The following HUWE1 variants were observed in gnomAD, a reference collection of about 807,000 sequenced individuals.
HUWE1 encodes the protein E3 ubiquitin-protein ligase HUWE1.
Under a neutral mutation model 299.4 loss-of-function variants are expected in HUWE1, and 18 were observed. The ratio of observed to expected loss-of-function variants is 0.06; its 90% CI spans 0.04 to 0.09. HUWE1 has a LOEUF of 0.09. HUWE1 is among the 10% of genes least tolerant of loss of function. The pLI, the probability that HUWE1 is intolerant of heterozygous loss-of-function variation, is 1.00. For missense variants in HUWE1, 1,832 were observed against 3,462.3 expected, an observed-to-expected ratio of 0.53 and a Z score of 11.82; for synonymous variants, 1,317 against 1,286.1, an observed-to-expected ratio of 1.02 and a Z score of -0.51.
chrX:53,623,424 T>C (rs367921264), intron 19 of HUWE1, among the ~76,000 whole-genome samples: 2 of 112,011 alleles, frequency 1.8e-5, no homozygotes, highest in African/African-American at 6.5e-5. Context: ...GAACATAACC[T>C]TAGCAGAGAG....
At position 53,552,830 on chromosome X, in the gene HUWE1, T is replaced by A. The variant is rs782052479; in HGVS notation, c.8558A>T (p.Glu2853Val). The change falls in exon 62 of 84, where the codon GAA becomes GTA. Residue 2853 changes from glutamate to valine, a missense_variant. Transcript: ENST00000262854. ...GCTGCTTGTATCCATAGGAGAGCCT[T>A]CTAGCTGACTGCTGACAGCCGTCAG... ...DALTAVSSQL[E>V]GSPMDTSSLA... The A allele has an allele frequency of 2.4e-5, 29 of 1,211,100 alleles. No homozygotes were observed. Among genetic ancestry groups the A allele is most frequent in the Admixed American group, 4.3e-5 (2 of 46,040 alleles).
At chrX:53,677,737 T>C (rs981848098) in intron 3 of HUWE1, among the ~76,000 whole-genome samples, 1 of 110,826 alleles carries the variant, frequency 9.0e-6, no homozygotes, top group Non-Finnish European at 1.9e-5. Flanking sequence ...AGCCACCAAA[T>C]GTAATATACC....
chrX:53,638,935 T>C (rs782460393), intron 7 of HUWE1, among the ~76,000 whole-genome samples: 3 of 111,969 alleles, frequency 2.7e-5, no homozygotes, highest in African/African-American at 6.5e-5. Flanking sequence ...TGGGTTGACC[T>C]AGTCATTAAA....
chrX:53,638,339 CA>C, intron 7 of HUWE1, among the ~76,000 whole-genome samples: 1 of 108,578 alleles, frequency 9.2e-6, no homozygotes, highest in East Asian at 2.9e-4. Context: ...GACTCCGTCT[CA>C]AAAAAACAAA....
intron 7 of HUWE1, among the ~76,000 whole-genome samples, chrX:53,644,300 A>T (rs782520890): frequency 4.5e-5 from 5 of 112,314 alleles, no homozygotes; most frequent in Admixed American, 9.4e-5. Flanking sequence ...TAGTTTTCTT[A>T]AAGTTTATAT....
chrX:53,555,625 C>A (rs887616856), intron 60 of HUWE1, among the ~76,000 whole-genome samples: 2 of 106,033 alleles, frequency 1.9e-5, no homozygotes, highest in African/African-American at 7.0e-5. Flanking sequence ...CTGCGTCCAG[C>A]CCTTCAAAAT....
Position 53,564,510 on chromosome X carries a change from A to G in HUWE1, c.7029+64T>C, listed in dbSNP as rs2062438838. 11 of 1,172,534 alleles carry G rather than the reference A, an allele frequency of 9.4e-6. No homozygotes were observed. The South Asian group carries it at 1.8e-4, about 19-fold the overall frequency. ...GGATCTAAAGTACTCACCCACCCAC[A>G]CCACCTGGCAAGGGTTTGGTTCAGC... On this transcript the variant is annotated intron_variant, in intron 51 of 83. Transcript: ENST00000262854.
intron 2 of HUWE1, chrX:53,683,995 G>A (rs2070338599): frequency 3.4e-6 from 1 of 294,525 alleles, no homozygotes; most frequent in East Asian, 4.8e-5. Context: ...GTCAGTAACC[G>A]AGCCACCGCC....
chrX:53,615,712 A>AT, intron 22 of HUWE1, 32 bp downstream of exon 22: 1 of 1,113,381 alleles, frequency 9.0e-7, no homozygotes, highest in Non-Finnish European at 1.2e-6. Context: ...CTGCTCTCTC[A>AT]TGCTCATGGT....
intron 81 of HUWE1, 68 bp downstream of exon 81, chrX:53,535,316 T>G (rs1429130212): frequency 1.4e-6 from 1 of 692,511 alleles, no homozygotes; most frequent in East Asian, 3.2e-5. Flanking sequence ...AAAACATGCC[T>G]ATCAAATGAA....
chrX:53,533,489 GC>G (rs2060856545), intron 83 of HUWE1, 78 bp from the exon 84 acceptor site: 3 of 678,923 alleles, frequency 4.4e-6, no homozygotes, highest in Non-Finnish European at 7.0e-6. Flanking sequence ...GTGCCCACCA[GC>G]CCCTCCCCTC....
At chrX:53,681,670 G>A (rs1436804996) in intron 2 of HUWE1, among the ~76,000 whole-genome samples, 2 of 111,815 alleles carry the variant, frequency 1.8e-5, no homozygotes, top group African/African-American at 3.3e-5. Context: ...ACTGATCTGA[G>A]GAACCAAACA....
At chrX:53,549,864 T>C (rs2061696748) in intron 66 of HUWE1, among the ~76,000 whole-genome samples, 1 of 109,053 alleles carries the variant, frequency 9.2e-6, no homozygotes, top group African/African-American at 3.4e-5. Flanking sequence ...GTGATTCTCG[T>C]GCCTCAGCCT....
chrX:53,534,849 C>A (rs782343132), intron 81 of HUWE1, 152 bp from the exon 82 acceptor site: 6 of 483,656 alleles, frequency 1.2e-5, no homozygotes, highest in South Asian at 3.3e-5. Flanking sequence ...TAGTCTCAAC[C>A]CCCTGGGCTC....
At chrX:53,661,034 CT>C (rs200048431) in intron 3 of HUWE1, among the ~76,000 whole-genome samples, 2,969 of 96,833 alleles carry the variant, frequency 0.031, 113 homozygotes, top group African/African-American at 0.1. Context: ...ATGCGATTCA[CT>C]TTTTTTTTTT....
chrX:53,550,955 G>A lies in HUWE1; in HGVS notation c.9331C>T (p.Arg3111Cys), dbSNP rs1556928239. 8.3e-7 allele frequency: 1 copy of A among 1,211,678 alleles called. No individual in the cohort carries two copies. The highest frequency in any genetic ancestry group is 1.1e-6 in the Non-Finnish European group (1 of 895,462). ...EARQRQLMHE[R>C]LFGHSSTSAL... ...GAGGTGCTACTGTGCCCAAACAGAC[G>A]CTCATGCATGAGCTGTCGCTGCCGG... Residue 3111 changes from arginine to cysteine, a missense_variant, in exon 65 of 84, where the codon CGT becomes TGT. By Grantham distance (180) the Arg-to-Cys change is radical. Transcript: ENST00000262854.
intron 2 of HUWE1, among the ~76,000 whole-genome samples, chrX:53,685,595 G>A (rs1427324581): frequency 1.8e-5 from 2 of 112,109 alleles, no homozygotes; most frequent in African/African-American, 6.5e-5. Context: ...AGTAATCAGG[G>A]AAATGCAAAT....
At position 53,630,987 on chromosome X, in the gene HUWE1, G is replaced by C; in HGVS notation, c.810C>G (p.His270Gln). The C allele has an allele frequency of 1.7e-6, 2 of 1,199,541 alleles. No individual in the cohort carries two copies. The highest frequency in any genetic ancestry group is 2.3e-6 in the Non-Finnish European group (2 of 884,340). Residue 270 changes from histidine to glutamine, a missense_variant, in exon 12 of 84, where the codon CAC (histidine) becomes CAG (glutamine). By Grantham distance (24) the His-to-Gln change is conservative (BLOSUM62 0). Coordinates refer to ENST00000262854, the MANE Select transcript of HUWE1 (RefSeq NM_031407.7). ...CCTGAACTGCCTGCAATCGCTTCCTGTGATTAGAAAAGCCATGGGCCAGTC... is the reference window on the plus strand; with the variant it reads ...CCTGAACTGCCTGCAATCGCTTCCTCTGATTAGAAAAGCCATGGGCCAGTC... Reference protein sequence around the residue: ...HIRLAHGFSNHRKRLQAVQAR... With the variant: ...HIRLAHGFSNQRKRLQAVQAR...
Position 53,554,817 on chromosome X carries a change from C to T in HUWE1, c.8310G>A (p.Gln2770=), listed in dbSNP as rs373286470. 7.3e-5 allele frequency: 88 copies of T among 1,209,245 alleles called. No individual in the cohort carries two copies. Among genetic ancestry groups the T allele is most frequent in the Non-Finnish European group, 9.4e-5 (84 of 894,888 alleles). ...CTGGTGGGGTTGGGAGTGTTGGTTG[C>T]TGTTGTGAGGATTGCAGAGTGCCAA... ...ETLGTLQSSQ[Q]QPTLPTPPAL... Residue 2770 remains glutamine (Q), a synonymous_variant, in exon 61 of 84, where the codon CAG becomes CAA. Coordinates refer to ENST00000262854, the MANE Select transcript of HUWE1 (RefSeq NM_031407.7).
Sources: allele counts gnomAD v4.1 joint callset (sites outside exome capture counted in the v4.1 genomes callset), GRCh38; gene constraint gnomAD v4.1.1; transcripts MANE v1.5; gene names NCBI Gene and HGNC (gene_info 2026-07-23, HGNC 2026-07-21).